Variants in NEO1 observed in about 807,000 individuals in gnomAD.
NEO1 encodes neogenin 1.
Under a neutral mutation model 159.7 loss-of-function variants are expected in NEO1, and 63 were observed. That is an observed-to-expected ratio of 0.39 (90% confidence interval 0.32 to 0.49). NEO1 has a LOEUF of 0.49. NEO1 is among the 20% of genes least tolerant of loss of function. NEO1 has a pLI of 0.85. For missense variants in NEO1, 1,615 were observed against 1,831.0 expected (o/e 0.88, Z 2.15); for synonymous variants, 633 against 662.0 (o/e 0.96, Z 0.67).
intron 1 of NEO1, among the ~76,000 whole-genome samples, chr15:73,092,296 G>A (rs952195012): frequency 5.3e-5 from 8 of 152,156 alleles, no homozygotes; most frequent in African/African-American, 1.7e-4. Context: ...GTCAGCTGCT[G>A]TAGTTGATTA....
At position 73,298,492 on chromosome 15, in the gene NEO1, C is replaced by A. The variant is rs781224609; in HGVS notation, c.4046C>A (p.Pro1349His). The A allele has an allele frequency of 7.0e-5, 113 of 1,614,182 alleles. 2 individuals are homozygous for A. In the South Asian group the frequency reaches 1.2e-3, roughly 17 times the overall value. The change falls in exon 27 of 29, where the codon CCC becomes CAC. Residue 1349 changes from proline (P) to histidine (H), a missense_variant. Coordinates refer to ENST00000261908, the MANE Select transcript of NEO1 (RefSeq NM_002499.4). ...GAGGAAGATTCAGGCCAGAGTCTTC[C>A]CACTGCCCATGTTCGCCCTTCCCAC... ...SQEEDSGQSL[P>H]TAHVRPSHPL... is the part of the protein sequence containing the mutation.
chr15:73,186,173 A>G (rs546496436), intron 7 of NEO1, among the ~76,000 whole-genome samples: 115 of 151,870 alleles, frequency 7.6e-4, no homozygotes, highest in African/African-American at 2.5e-3. Context: ...TTTGCCAGAA[A>G]AAAAAAAAAA....
At position 73,274,719 on chromosome 15, in the gene NEO1, A is replaced by G. The variant is rs751649830; in HGVS notation, c.3188A>G (p.Asp1063Gly). The change falls in exon 21 of 29, where the codon GAT becomes GGT. Residue 1063 changes from aspartate (D) to glycine (G), a missense_variant. Physicochemically the swap from Asp to Gly is moderately conservative, Grantham distance 94 (BLOSUM62 -1). Transcript: ENST00000261908. ...KADSSDKMPN[D>G]QASGSGGKGS... ...GACTCCTCTGATAAAATGCCTAATG[A>G]TCAAGGTAAATGAGTAGATGGCCTC... The G allele has an allele frequency of 1.2e-6, 2 of 1,613,260 alleles. No individual in the cohort carries two copies. The highest frequency in any genetic ancestry group is 1.7e-5 in the Admixed American group (1 of 59,970).
At chr15:73,099,402 C>T (rs1176614157) in intron 1 of NEO1, among the ~76,000 whole-genome samples, 1 of 152,190 alleles carries the variant, frequency 6.6e-6, no homozygotes, top group Non-Finnish European at 1.5e-5. Context: ...ATTCTAGAAC[C>T]TGGTTTACAG....
intron 18 of NEO1, among the ~76,000 whole-genome samples, chr15:73,271,002 C>A (rs983110096): frequency 6.6e-6 from 1 of 152,156 alleles, no homozygotes; most frequent in Non-Finnish European, 1.5e-5. Flanking sequence ...TTTCTGCTAC[C>A]CCCTGGGCTT....
intron 1 of NEO1, among the ~76,000 whole-genome samples, chr15:73,093,919 C>T (rs779209825): frequency 6.6e-6 from 1 of 152,050 alleles, no homozygotes; most frequent in Non-Finnish European, 1.5e-5. Flanking sequence ...ATTGACATAC[C>T]TCCATCATTG....
At chr15:73,273,152 A>G (rs2041252143) in intron 19 of NEO1, among the ~76,000 whole-genome samples, 1 of 151,884 alleles carries the variant, frequency 6.6e-6, no homozygotes, top group East Asian at 1.9e-4. Context: ...TAGAGGGGAC[A>G]CTCTGCCTTC....
At chr15:73,080,597 G>A (rs1326092665) in intron 1 of NEO1, among the ~76,000 whole-genome samples, 1 of 152,018 alleles carries the variant, frequency 6.6e-6, no homozygotes, top group Non-Finnish European at 1.5e-5. Context: ...GTCAGCCTTG[G>A]TTCATGGTAG....
intron 7 of NEO1, among the ~76,000 whole-genome samples, chr15:73,197,776 G>C (rs2036620948): frequency 6.7e-6 from 1 of 149,210 alleles, no homozygotes; most frequent in South Asian, 2.1e-4. Flanking sequence ...TTCCTCCTGT[G>C]TTCAAGATAT....
chr15:73,219,373 G>A (rs927296756), intron 7 of NEO1, among the ~76,000 whole-genome samples: 1 of 144,450 alleles, frequency 6.9e-6, no homozygotes, highest in Admixed American at 7.0e-5. Flanking sequence ...TAGGTGTGGT[G>A]TGGTGCTGAA....
rs374449245 is a variant in NEO1, at chr15:73,301,464, T to A, written c.4302+7T>A. 25 of 1,614,108 alleles carry A rather than the reference T, an allele frequency of 1.5e-5. No individual in the cohort carries two copies. In the African/African-American group the frequency reaches 3.1e-4, roughly 20 times the overall value. On this transcript the variant is annotated splice_region_variant and intron_variant, in intron 28 of 28. Transcript: ENST00000261908. ...GTTGGAAGACTCCGAGAGTGTAAGT[T>A]CGTGGGGCCATCAGTCCAGCCAGAT...
chr15:73,282,091 G>C (rs919908613), intron 22 of NEO1, among the ~76,000 whole-genome samples: 1 of 151,978 alleles, frequency 6.6e-6, no homozygotes, highest in Non-Finnish European at 1.5e-5. Context: ...TCTCTTCCTT[G>C]AGAAGAGCTT....
chr15:73,163,035 A>C (rs1227926979), intron 5 of NEO1: 3 of 152,176 alleles, frequency 2.0e-5, no homozygotes, highest in African/African-American at 7.2e-5. Context: ...GCGATTCTTT[A>C]ATATTTTGTT....
chr15:73,126,810 A>G (rs542356713), intron 4 of NEO1, among the ~76,000 whole-genome samples: 1 of 152,296 alleles, frequency 6.6e-6, no homozygotes, highest in Admixed American at 6.5e-5. Context: ...GCCGCAGTGT[A>G]CTCAGCTTAA....
chr15:73,232,036 TTTTGTAATGACTGCC>T (rs1045912290), intron 7 of NEO1, among the ~76,000 whole-genome samples: 3 of 152,348 alleles, frequency 2.0e-5, no homozygotes, highest in African/African-American at 7.2e-5. Flanking sequence ...AAGAAAGACA[TTTTGTAATGACTGCC>T]TTTGTAATGA....
intron 5 of NEO1, among the ~76,000 whole-genome samples, 182 bp downstream of exon 5, chr15:73,136,209 CTTATT>C (rs1028697327): frequency 2.0e-5 from 3 of 151,934 alleles, no homozygotes; most frequent in Non-Finnish European, 2.9e-5. Flanking sequence ...CTATAGGAAA[CTTATT>C]TAATTTCTCT....
chr15:73,109,496 A>G lies in NEO1; in HGVS notation c.131-7044A>G, dbSNP rs542677369. Among the ~76,000 whole-genome samples, 17 of 152,246 alleles carry G rather than the reference A, an allele frequency of 1.1e-4. No homozygotes were observed. In the South Asian group the frequency reaches 2.1e-3, roughly 19 times the overall value. ...TTGCAGGGAGGAAGATGGAGGGGAGAAGAACAAGGCTGAAAATTGAAGAAA... is the reference window on the plus strand; with the variant it reads ...TTGCAGGGAGGAAGATGGAGGGGAGGAGAACAAGGCTGAAAATTGAAGAAA... On this transcript the variant is annotated intron_variant, in intron 1 of 28. Coordinates refer to ENST00000261908, the MANE Select transcript of NEO1 (RefSeq NM_002499.4).
chr15:73,081,308 T>A (rs752165568), intron 1 of NEO1, among the ~76,000 whole-genome samples: 2 of 151,142 alleles, frequency 1.3e-5, no homozygotes, highest in Non-Finnish European at 2.9e-5. Flanking sequence ...ATTTTAAAAC[T>A]GCATTTTAAT....
At position 73,179,863 on chromosome 15, in the gene NEO1, G is replaced by GTGTA. The variant is rs1555445543; in HGVS notation, c.1291+1437_1291+1438insGTAT. The stretch of plus-strand genomic sequence containing the variant: ...AATATTGTTTCTTATTAAATAATAT[G>GTGTA]TATATATATATATATACACTGTTTT... On this transcript the variant is annotated intron_variant, in intron 7 of 28. Coordinates refer to ENST00000261908, the MANE Select transcript of NEO1 (RefSeq NM_002499.4). Among the ~76,000 whole-genome samples the GTGTA allele has an allele frequency of 5.7e-3, 837 of 147,926 alleles. 11 individuals carry two copies. The highest frequency in any genetic ancestry group is 0.02 in the African/African-American group (794 of 40,570).
Sources: gnomAD v4.1 joint callset for allele counts (sites outside exome capture counted in the v4.1 genomes callset) on GRCh38, gnomAD v4.1.1 for gene constraint, MANE v1.5 for transcripts, NCBI Gene and HGNC (gene_info 2026-07-23, HGNC 2026-07-21) for gene names.